The following JPH3 variants were observed in gnomAD, a reference collection of about 807,000 sequenced individuals.
JPH3 encodes the protein junctophilin 3, also known as junctophilin-3.
Under a neutral mutation model 59.6 loss-of-function variants are expected in JPH3, and 11 were observed. That is an observed-to-expected ratio of 0.18 (90% CI 0.12 to 0.31). JPH3 has a LOEUF of 0.31. Among genes scored for constraint, JPH3 ranks in the 10% least tolerant of loss-of-function variants. The pLI is 1.00. For synonymous variants in JPH3, 673 were observed against 483.6 expected (o/e 1.39, Z -5.14); for missense variants, 1,202 against 1,105.7 (o/e 1.09, Z -1.24).
At chr16:87,691,896 G>A (rs1211200125) in intron 4 of JPH3, among the ~76,000 whole-genome samples, 3 of 152,170 alleles carry the variant, frequency 2.0e-5, no homozygotes, top group Non-Finnish European at 4.4e-5. Context: ...TGGGCAGGGT[G>A]GGAGGTGTAG....
chr16:87,663,424 T>TAGTG (rs60685682), intron 2 of JPH3, among the ~76,000 whole-genome samples: 10,120 of 152,238 alleles, frequency 0.066, 1,145 homozygotes, highest in African/African-American at 0.23. Flanking sequence ...AATTTCTTGA[T>TAGTG]AGAGTTGGAC....
chr16:87,674,003 T>C (rs114835546), intron 2 of JPH3, among the ~76,000 whole-genome samples: 4,531 of 150,426 alleles, frequency 0.03, 238 homozygotes, highest in African/African-American at 0.11. Context: ...TTTGCTGATA[T>C]GGAACAATCT....
intron 2 of JPH3, chr16:87,653,578 C>T (rs1300311429): frequency 1.3e-5 from 2 of 152,170 alleles, no homozygotes; most frequent in African/African-American, 2.4e-5. Context: ...ATTTATTTCT[C>T]ATTAAAATTA....
intron 2 of JPH3, among the ~76,000 whole-genome samples, chr16:87,671,940 T>C (rs1298969806): frequency 6.6e-6 from 1 of 152,218 alleles, no homozygotes; most frequent in Non-Finnish European, 1.5e-5. Flanking sequence ...TTTAGATAAA[T>C]GCACCTTCGT....
At chr16:87,653,500 T>C (rs1036165231) in intron 2 of JPH3, 9 of 152,196 alleles carry the variant, frequency 5.9e-5, no homozygotes, top group Admixed American at 5.9e-4. Flanking sequence ...TGGGACACTC[T>C]AGTGGGCCGT....
intron 2 of JPH3, among the ~76,000 whole-genome samples, chr16:87,655,505 C>T (rs888709905): frequency 6.6e-6 from 1 of 152,128 alleles, no homozygotes; most frequent in Non-Finnish European, 1.5e-5. Context: ...AGCCGTGCAC[C>T]ACCACGCCCA....
At chr16:87,624,502 G>A (rs1034416318) in intron 1 of JPH3, among the ~76,000 whole-genome samples, 6 of 152,212 alleles carry the variant, frequency 3.9e-5, no homozygotes, top group Non-Finnish European at 8.8e-5. Flanking sequence ...TCTTCGTATC[G>A]CTGAGTAATA....
In JPH3 at chr16:87,602,561, C is replaced by T. The variant is rs1222853992; in HGVS notation, c.-586C>T. On this transcript the variant is annotated 5_prime_UTR_variant, in exon 1 of 5. Coordinates refer to ENST00000284262, the MANE Select transcript of JPH3 (RefSeq NM_020655.4). ...GCCGCCGCCGCCACCGCCGCCGCCG[C>T]CGCCCGAGCCGCCGCATTGCTGCTG... Among the ~76,000 whole-genome samples the T allele has an allele frequency of 2.1e-5, 3 of 141,500 alleles. No homozygotes were observed. Among genetic ancestry groups the T allele is most frequent in the African/African-American group, 5.0e-5 (2 of 39,624 alleles). The allele number at this position is 141,500 out of a possible 152,430, so 92.8% of individuals were successfully genotyped here. A position where few individuals can be genotyped will look rare whatever the true frequency, so the allele number is the denominator to read the frequency against.
chr16:87,637,428 G>GTA (rs1303795317), intron 1 of JPH3, among the ~76,000 whole-genome samples: 3 of 151,536 alleles, frequency 2.0e-5, no homozygotes, highest in Non-Finnish European at 4.4e-5. Context: ...GTGTTTGTGT[G>GTA]TGTGTGTGTG....
At chr16:87,659,758 C>T (rs1474995555) in intron 2 of JPH3, among the ~76,000 whole-genome samples, 1 of 152,032 alleles carries the variant, frequency 6.6e-6, no homozygotes, top group Admixed American at 6.6e-5. Context: ...GATTTTTAAC[C>T]ATTTTTAAGT....
At chr16:87,656,504 T>A (rs144300162) in intron 2 of JPH3, among the ~76,000 whole-genome samples, 3 of 152,190 alleles carry the variant, frequency 2.0e-5, no homozygotes, top group Non-Finnish European at 4.4e-5. Context: ...GGAGTTCATA[T>A]GAGGGTGAAG....
At chr16:87,610,361 C>T (rs1474840494) in intron 1 of JPH3, among the ~76,000 whole-genome samples, 1 of 152,184 alleles carries the variant, frequency 6.6e-6, no homozygotes, top group Non-Finnish European at 1.5e-5. Flanking sequence ...AACATTCCAT[C>T]AGTGCAGAAA....
intron 3 of JPH3, among the ~76,000 whole-genome samples, chr16:87,686,792 C>G (rs59109095): frequency 6.6e-6 from 1 of 152,190 alleles, no homozygotes; most frequent in African/African-American, 2.4e-5. Flanking sequence ...CTGAAGCTGC[C>G]TCCTCCGACA....
chr16:87,683,313 T>C lies in JPH3; in HGVS notation c.1161-829T>C, dbSNP rs141445560. The stretch of plus-strand genomic sequence containing the variant: ...TAATAAGAACAGAAACATTTTCTTT[T>C]TTTTTTTTTGAGATGGAGTCTTGCT... On this transcript the variant is annotated intron_variant, in intron 2 of 4. Transcript: ENST00000284262. Among the ~76,000 whole-genome samples, 639 of 152,204 alleles carry C rather than the reference T, an allele frequency of 4.2e-3. 4 individuals are homozygous for C. The highest frequency in any genetic ancestry group is 0.015 in the African/African-American group (612 of 41,552).
chr16:87,659,251 C>T (rs914114728), intron 2 of JPH3, among the ~76,000 whole-genome samples: 2 of 151,958 alleles, frequency 1.3e-5, no homozygotes, highest in Admixed American at 6.6e-5. Context: ...GTGGCAGGCA[C>T]CTGTAATCCC....
At chr16:87,689,449 G>T (rs2033501287) in intron 3 of JPH3, among the ~76,000 whole-genome samples, 197 bp from the exon 4 acceptor site, 1 of 152,148 alleles carries the variant, frequency 6.6e-6, no homozygotes, top group African/African-American at 2.4e-5. Context: ...TGTCTGTGGG[G>T]TGGGGACCAC....
At chr16:87,684,430 T>G in intron 3 of JPH3, 164 bp downstream of exon 3, 1 of 1,189,602 alleles carries the variant, frequency 8.4e-7, no homozygotes, top group Non-Finnish European at 1.2e-6. Context: ...GGTGCTTGTT[T>G]GTGCCAAGGC....
intron 2 of JPH3, among the ~76,000 whole-genome samples, chr16:87,656,722 T>C (rs541084189): frequency 6.6e-6 from 1 of 152,286 alleles, no homozygotes; most frequent in East Asian, 1.9e-4. Context: ...GCCATGGGCA[T>C]GTGCTCGTCT....
At chr16:87,626,714 G>A (rs2031391327) in intron 1 of JPH3, among the ~76,000 whole-genome samples, 1 of 152,272 alleles carries the variant, frequency 6.6e-6, no homozygotes, top group Non-Finnish European at 1.5e-5. Flanking sequence ...AGGTTGGGAT[G>A]GTTGGAGATG....
Sources: gnomAD v4.1 joint callset for allele counts (sites outside exome capture counted in the v4.1 genomes callset) on GRCh38, gnomAD v4.1.1 for gene constraint, MANE v1.5 for transcripts, NCBI Gene and HGNC (gene_info 2026-07-23, HGNC 2026-07-21) for gene names.